The following CLVS1 variants were observed in gnomAD, a reference collection of about 807,000 sequenced individuals.
CLVS1 encodes clavesin-1.
In CLVS1, 10 loss-of-function variants were observed where a neutral mutation model predicts 33.1. The observed-to-expected ratio is 0.30, with a 90% CI of 0.19 to 0.51. The LOEUF (loss-of-function observed/expected upper bound fraction) is 0.51. Among genes scored for constraint, CLVS1 ranks in the 20% least tolerant of loss-of-function variants. CLVS1 has a pLI of 0.97. For missense variants in CLVS1, 343 were observed against 433.4 expected (o/e 0.79, Z 1.85); for synonymous variants, 163 against 166.1 (o/e 0.98, Z 0.14).
intron 2 of CLVS1, among the ~76,000 whole-genome samples, chr8:61,169,764 C>A (rs1238059552): frequency 1.3e-5 from 2 of 151,436 alleles, no homozygotes; most frequent in African/African-American, 2.4e-5. Flanking sequence ...ACCATCTGGG[C>A]TTTCTGTGAG....
chr8:61,064,122 C>T (rs1231715601), intron 1 of CLVS1, among the ~76,000 whole-genome samples: 2 of 152,190 alleles, frequency 1.3e-5, no homozygotes, highest in Non-Finnish European at 2.9e-5. Flanking sequence ...TACCCATCCA[C>T]CTCTTGGCAG....
At chr8:61,208,348 A>G (rs113214996) in intron 2 of CLVS1, among the ~76,000 whole-genome samples, 11 of 152,356 alleles carry the variant, frequency 7.2e-5, no homozygotes, top group African/African-American at 2.6e-4. Context: ...TTAATTTTGA[A>G]GAAAGGGCTC....
chr8:61,240,096 TAGA>T (rs1463793935), intron 2 of CLVS1, among the ~76,000 whole-genome samples: 1 of 152,238 alleles, frequency 6.6e-6, no homozygotes, highest in Non-Finnish European at 1.5e-5. Context: ...CCATTTTCAG[TAGA>T]AGAAAACAAG....
chr8:61,354,798 A>G (rs533243050), intron 2 of CLVS1, among the ~76,000 whole-genome samples: 17 of 152,212 alleles, frequency 1.1e-4, no homozygotes, highest in Non-Finnish European at 2.5e-4. Flanking sequence ...AGAACAGATC[A>G]GTGATTACAG....
At chr8:61,439,747 A>G (rs537591461) in intron 3 of CLVS1, among the ~76,000 whole-genome samples, 1 of 152,274 alleles carries the variant, frequency 6.6e-6, no homozygotes, top group African/African-American at 2.4e-5. Context: ...GGTTTGTACC[A>G]TGAGATAATT....
intron 5 of CLVS1, among the ~76,000 whole-genome samples, chr8:61,488,819 C>T (rs1483040730): frequency 1.3e-5 from 2 of 152,222 alleles, no homozygotes; most frequent in Non-Finnish European, 1.5e-5. Context: ...CCAGCTGCGG[C>T]TGCCAGTTTC....
At chr8:61,133,114 G>A (rs1362156040) in intron 2 of CLVS1, among the ~76,000 whole-genome samples, 1 of 152,184 alleles carries the variant, frequency 6.6e-6, no homozygotes, top group East Asian at 1.9e-4. Flanking sequence ...ATCAACCAAG[G>A]GCCAGATGCT....
intron 2 of CLVS1, among the ~76,000 whole-genome samples, chr8:61,244,312 C>A (rs561934686): frequency 3.9e-5 from 6 of 151,944 alleles, no homozygotes; most frequent in Non-Finnish European, 7.4e-5. Context: ...GGTTTTGTTA[C>A]TGATTTATTT....
rs1563593415 is a variant in CLVS1 at position 61,501,002 on chromosome 8, T to TAAC, written c.*1462_*1464dup. ...TTTTTCCCCTATTGGTAGAGAACAA[T>TAAC]AACAGAAGTAATTTTTATATTATAC... On this transcript the variant is annotated 3_prime_UTR_variant, in exon 6 of 6. Coordinates refer to ENST00000325897, the MANE Select transcript of CLVS1 (RefSeq NM_173519.3). 2 of 152,248 alleles carry TAAC rather than the reference T, an allele frequency of 1.3e-5. No homozygotes were observed. The highest frequency in any genetic ancestry group is 4.2e-4 in the South Asian group (2 of 4,818). The allele number at this position is 152,248 out of a possible 1,614,324, so 9.4% of individuals were successfully genotyped here.
rs1816550216 is a variant in CLVS1, at chr8:61,441,647, A to AACGGGTG, written c.631-12494_631-12493insACGGGTG. Among the ~76,000 whole-genome samples the AACGGGTG allele has an allele frequency of 2.0e-5, 3 of 152,204 alleles. No homozygotes were observed. In the South Asian group the frequency reaches 6.2e-4, roughly 32 times the overall value. On this transcript the variant is annotated intron_variant, in intron 3 of 5. Coordinates refer to ENST00000325897, the MANE Select transcript of CLVS1 (RefSeq NM_173519.3). ...ACTAGTTAATCCTTCATTATCCAGC[A>AACGGGTG]GAAACTGAGCCAACGGCCACGGGTG...
intron 1 of CLVS1, among the ~76,000 whole-genome samples, chr8:61,120,812 A>T (rs936907321): frequency 2.0e-5 from 3 of 147,698 alleles, no homozygotes; most frequent in East Asian, 2.0e-4. Flanking sequence ...TGCAGAGGTT[A>T]CTGCTGTCTT....
At chr8:61,277,883 A>C (rs1809592470) in intron 2 of CLVS1, among the ~76,000 whole-genome samples, 1 of 151,176 alleles carries the variant, frequency 6.6e-6, no homozygotes, top group Non-Finnish European at 1.5e-5. Context: ...GTGACAAGAC[A>C]AAAAAAAAGG....
intron 2 of CLVS1, among the ~76,000 whole-genome samples, chr8:61,275,594 A>C (rs1201275139): frequency 2.0e-5 from 3 of 152,230 alleles, no homozygotes; most frequent in Non-Finnish European, 2.9e-5. Flanking sequence ...AAGGAAGCTT[A>C]GTTCGAAAGG....
intron 5 of CLVS1, among the ~76,000 whole-genome samples, chr8:61,489,794 C>T (rs1007002627): frequency 6.6e-6 from 1 of 152,176 alleles, no homozygotes; most frequent in African/African-American, 2.4e-5. Flanking sequence ...ACAAGGGTTA[C>T]TGAGTGCTGC....
intron 5 of CLVS1, 152 bp downstream of exon 5, chr8:61,458,694 C>T: frequency 1.7e-6 from 1 of 597,404 alleles, no homozygotes; most frequent in Non-Finnish European, 2.9e-6. Flanking sequence ...TTCACTAAAA[C>T]TGAAAACAAA....
chr8:61,161,482 A>T (rs2129296689), intron 2 of CLVS1, among the ~76,000 whole-genome samples: 1 of 152,324 alleles, frequency 6.6e-6, no homozygotes, highest in Admixed American at 6.5e-5. Flanking sequence ...AAAGAAGAAA[A>T]TTCCGTCATT....
At chr8:61,371,658 CA>C (rs1813445069) in intron 2 of CLVS1, among the ~76,000 whole-genome samples, 2 of 152,168 alleles carry the variant, frequency 1.3e-5, no homozygotes, top group Admixed American at 6.5e-5. Context: ...ACTAAAAACT[CA>C]AAGCACAAAT....
At chr8:61,022,318 C>T in the CLVS1 span, among the ~76,000 whole-genome samples, 3 of 152,166 alleles carry the variant, frequency 2.0e-5, no homozygotes, top group Non-Finnish European at 4.4e-5. Flanking sequence ...TAGATGATTG[C>T]TTCATTTTGG....
At chr8:60,990,829 C>T in the CLVS1 span, among the ~76,000 whole-genome samples, 1 of 151,980 alleles carries the variant, frequency 6.6e-6, no homozygotes, top group Non-Finnish European at 1.5e-5. Context: ...CTGTCTCAGC[C>T]TCCCGAATAG....
Sources: gnomAD v4.1 joint callset for allele counts (sites outside exome capture counted in the v4.1 genomes callset) on GRCh38, gnomAD v4.1.1 for gene constraint, MANE v1.5 for transcripts, NCBI Gene and HGNC (gene_info 2026-07-23, HGNC 2026-07-21) for gene names.